UGT1A10: variants seen among roughly 807,000 people sequenced by gnomAD.
UGT1A10 encodes the protein UDP-glucuronosyltransferase 1A10.
UGT1A10 carries 49 observed loss-of-function variants against 45.8 expected under a neutral mutation model. The observed-to-expected ratio is 1.07, with a 90% CI of 0.85 to 1.36. UGT1A10 has a LOEUF of 1.36. UGT1A10 is among the 40% of genes most tolerant of loss of function. The pLI is 0.00. For synonymous variants in UGT1A10, 284 were observed against 249.7 expected (o/e 1.14, Z -1.29); for missense variants, 745 against 668.6 (o/e 1.11, Z -1.26).
intron 1 of UGT1A10, among the ~76,000 whole-genome samples, chr2:233,638,392 C>G (rs144355083): frequency 6.6e-6 from 1 of 152,234 alleles, no homozygotes; most frequent in African/African-American, 2.4e-5. Context: ...ACATCACTAA[C>G]TTTTCTTATT....
chr2:233,701,069 A>G (rs1052712188), intron 1 of UGT1A10, among the ~76,000 whole-genome samples: 4 of 152,144 alleles, frequency 2.6e-5, no homozygotes, highest in African/African-American at 9.7e-5. Flanking sequence ...TTATGGCTGC[A>G]TAGTATTCCA....
intron 1 of UGT1A10, among the ~76,000 whole-genome samples, chr2:233,644,657 G>T (rs2073551943): frequency 1.3e-5 from 2 of 152,166 alleles, no homozygotes; most frequent in African/African-American, 4.8e-5. Flanking sequence ...TGCTCTAACA[G>T]AATAGCACTG....
At chr2:233,650,886 C>G (rs1468450630) in intron 1 of UGT1A10, among the ~76,000 whole-genome samples, 1 of 151,912 alleles carries the variant, frequency 6.6e-6, no homozygotes, top group African/African-American at 2.4e-5. Context: ...TTTGATGATC[C>G]CTCATCTATT....
chr2:233,649,287 T>C (rs2073681298), intron 1 of UGT1A10, among the ~76,000 whole-genome samples: 1 of 152,238 alleles, frequency 6.6e-6, no homozygotes, highest in Non-Finnish European at 1.5e-5. Context: ...AGTATTGCTA[T>C]GGTGCCCTGG....
intron 1 of UGT1A10, among the ~76,000 whole-genome samples, chr2:233,678,844 C>A (rs1360054966): frequency 6.6e-6 from 1 of 152,182 alleles, no homozygotes; most frequent in Non-Finnish European, 1.5e-5. Context: ...TTATCCCCAA[C>A]ATTTTGTTGC....
chr2:233,674,874 A>T (rs2074299574), intron 1 of UGT1A10, among the ~76,000 whole-genome samples: 1 of 152,206 alleles, frequency 6.6e-6, no homozygotes, highest in Admixed American at 6.5e-5. Context: ...TGACAGAAGG[A>T]TGGACACTTC....
At chr2:233,726,450 A>G (rs538330915) in intron 1 of UGT1A10, among the ~76,000 whole-genome samples, 2 of 152,312 alleles carry the variant, frequency 1.3e-5, no homozygotes, top group South Asian at 4.1e-4. Context: ...TTTCCACTGA[A>G]TGTAAGCTCA....
At chr2:233,708,554 C>T (rs1000244993) in intron 1 of UGT1A10, 1 of 152,110 alleles carries the variant, frequency 6.6e-6, no homozygotes, top group Non-Finnish European at 1.5e-5. Flanking sequence ...GAGTTTGAGA[C>T]CAGCCTAGGC....
intron 1 of UGT1A10, among the ~76,000 whole-genome samples, chr2:233,702,315 T>G (rs2075680804): frequency 6.6e-6 from 1 of 152,230 alleles, no homozygotes; most frequent in Non-Finnish European, 1.5e-5. Context: ...ATCTTGTACT[T>G]CAACATTTCT....
At position 233,748,031 on chromosome 2, in the gene UGT1A10, G is replaced by A. The variant is rs1285076078; in HGVS notation, c.856-19003G>A. On this transcript the variant is annotated intron_variant, in intron 1 of 4. Transcript: ENST00000344644. ...ACCCCAGGCCGATCATGCCCAACAT[G>A]GTCTTCATTGGGGGCATCAACTGTG... The A allele has an allele frequency of 3.1e-6, 5 of 1,613,428 alleles. No homozygotes were observed. The African/African-American group carries it at 6.7e-5, about 22-fold the overall frequency.
rs113744273 is a variant in UGT1A10 at position 233,645,853 on chromosome 2, G to A, written c.855+8476G>A. ...GTGGACCTACCATTCTGAGGTGGAG[G>A]GATGGTGGCCCTCTTCTCACAGTTC... On this transcript the variant is annotated intron_variant, in intron 1 of 4. Coordinates refer to ENST00000344644, the MANE Select transcript of UGT1A10 (RefSeq NM_019075.4). Among the ~76,000 whole-genome samples the A allele has an allele frequency of 3.0e-3, 458 of 152,262 alleles. 1 individual carries two copies. The highest frequency in any genetic ancestry group is 4.5e-3 in the Non-Finnish European group (307 of 68,016).
At chr2:233,730,394 T>C (rs1343780073) in intron 1 of UGT1A10, among the ~76,000 whole-genome samples, 2 of 152,242 alleles carry the variant, frequency 1.3e-5, no homozygotes, top group Non-Finnish European at 2.9e-5. Context: ...GATGCAACAG[T>C]AAATTACAAT....
At chr2:233,771,798 CCCTCCCTT>C (rs951458637) in intron 4 of UGT1A10, among the ~76,000 whole-genome samples, 10 of 147,834 alleles carry the variant, frequency 6.8e-5, no homozygotes, top group African/African-American at 2.5e-4. Context: ...CTCCCTCCCT[CCCTCCCTT>C]CCTCCTTTCC....
chr2:233,680,967 G>T (rs1245620136), intron 1 of UGT1A10, among the ~76,000 whole-genome samples: 1 of 152,014 alleles, frequency 6.6e-6, no homozygotes, highest in Non-Finnish European at 1.5e-5. Context: ...TTCTGGAAGG[G>T]TCCATGGAGG....
At position 233,637,353 on chromosome 2, in the gene UGT1A10, T is replaced by C. The variant is rs200184373; in HGVS notation, c.831T>C (p.Cys277=). 4.0e-5 allele frequency: 64 copies of C among 1,613,634 alleles called. No homozygotes were observed. In the Admixed American group the frequency reaches 4.5e-4, roughly 11 times the overall value. ...PNMIFIGGIN[C]HQGKPLPMEF... ...TGATCTTCATTGGTGGTATCAACTGTCATCAGGGAAAGCCATTGCCTATGG... is the reference window on the plus strand; with the variant it reads ...TGATCTTCATTGGTGGTATCAACTGCCATCAGGGAAAGCCATTGCCTATGG... The change falls in exon 1 of 5, where the codon TGT becomes TGC. Residue 277 remains cysteine (C), a synonymous_variant. Transcript: ENST00000344644.
At chr2:233,664,512 C>T (rs368084361) in intron 1 of UGT1A10, among the ~76,000 whole-genome samples, 2 of 152,138 alleles carry the variant, frequency 1.3e-5, no homozygotes, top group Non-Finnish European at 2.9e-5. Flanking sequence ...ACAAGCATGG[C>T]GCTGCCATCT....
chr2:233,746,540 T>G (rs1172057692), intron 1 of UGT1A10, among the ~76,000 whole-genome samples: 2 of 151,806 alleles, frequency 1.3e-5, no homozygotes, highest in Admixed American at 6.5e-5. Context: ...TGCCCTGCTG[T>G]GTGACTTCTT....
At chr2:233,672,546 G>A in intron 1 of UGT1A10, 1 of 1,613,920 alleles carries the variant, frequency 6.2e-7, no homozygotes, top group Non-Finnish European at 8.5e-7. Context: ...TGACTTTCAA[G>A]GAGAGAGTAC....
At chr2:233,672,841 A>C (rs774561388) in intron 1 of UGT1A10, 1 of 1,554,616 alleles carries the variant, frequency 6.4e-7, no homozygotes, top group Non-Finnish European at 8.7e-7. Flanking sequence ...TTGGAAATTA[A>C]AAAAGGATTC....
Sources: gnomAD v4.1 joint callset for allele counts (sites outside exome capture counted in the v4.1 genomes callset) on GRCh38, gnomAD v4.1.1 for gene constraint, MANE v1.5 for transcripts, NCBI Gene and HGNC (gene_info 2026-07-23, HGNC 2026-07-21) for gene names.